VPS13A: variants seen among roughly 807,000 people sequenced by gnomAD.
The protein encoded by VPS13A is intermembrane lipid transfer protein VPS13A.
A neutral mutation model predicts 390.9 loss-of-function variants in VPS13A; 264 were observed. That is an observed-to-expected ratio of 0.68 (90% CI 0.61 to 0.75). VPS13A has a LOEUF of 0.75. Ranked by LOEUF, VPS13A falls within the 30% of genes least tolerant of loss-of-function variation. The pLI, the probability that VPS13A is intolerant of heterozygous loss-of-function variation, is 0.00. For synonymous variants in VPS13A, 1,231 were observed against 1,227.1 expected (o/e 1.00, Z -0.07); for missense variants, 3,409 against 3,733.9 (o/e 0.91, Z 2.27).
At chr9:77,200,806 C>A (rs1401044821) in intron 2 of VPS13A, among the ~76,000 whole-genome samples, 1 of 152,092 alleles carries the variant, frequency 6.6e-6, no homozygotes, top group Non-Finnish European at 1.5e-5. Flanking sequence ...CTTATGTTTT[C>A]TTCTAAGAGT....
At chr9:77,247,644 C>CTGAT (rs887422189) in intron 20 of VPS13A, among the ~76,000 whole-genome samples, 17 of 151,928 alleles carry the variant, frequency 1.1e-4, no homozygotes, top group South Asian at 6.2e-4. Context: ...GCTTGATTGA[C>CTGAT]TGATTGATTG....
rs990291436 is a variant in VPS13A, at chr9:77,419,936, CTT to C, written c.*3934_*3935del. 5.3e-5 allele frequency: 8 copies of C among 152,124 alleles called. No homozygotes were observed. The highest frequency in any genetic ancestry group is 1.2e-4 in the Non-Finnish European group (8 of 68,014). 9.4% of individuals were successfully genotyped at this position (152,124 alleles called of 1,614,324 possible). A position where few individuals can be genotyped will look rare whatever the true frequency, so the allele number is the denominator to read the frequency against. ...GGGGGTGCTATGCAAATATCAATGA[CTT>C]TTTACTAAAAACAGTGGATTTCCTC... is the stretch of plus-strand genomic sequence containing the variant. On this transcript the variant is annotated 3_prime_UTR_variant, in exon 72 of 72. Transcript: ENST00000360280.
At chr9:77,301,920 G>A (rs533813503) in intron 33 of VPS13A, among the ~76,000 whole-genome samples, 2 of 151,420 alleles carry the variant, frequency 1.3e-5, no homozygotes, top group South Asian at 2.1e-4. Context: ...TTATAATGAT[G>A]TCTTATATAA....
chr9:77,229,693 C>T (rs1420862500), intron 17 of VPS13A, among the ~76,000 whole-genome samples: 2 of 152,014 alleles, frequency 1.3e-5, no homozygotes, highest in African/African-American at 4.8e-5. Flanking sequence ...TTAGGTTGTT[C>T]CTTCTTTTTG....
chr9:77,280,152 T>C lies in VPS13A; in HGVS notation c.2825-7T>C, dbSNP rs1325270493. The C allele has an allele frequency of 1.3e-6, 2 of 1,596,372 alleles. No homozygotes were observed. The highest frequency in any genetic ancestry group is 2.2e-5 in the East Asian group (1 of 44,522). Reference sequence around the variant, plus strand: ...TGAAAAGATAATTTTTAAAAAATTATTTTTAGATGAAAACAAGAAACCAGT... The same window carrying C: ...TGAAAAGATAATTTTTAAAAAATTACTTTTAGATGAAAACAAGAAACCAGT... On this transcript the variant is annotated splice_polypyrimidine_tract_variant and splice_region_variant and intron_variant, in intron 26 of 71. Transcript: ENST00000360280.
At chr9:77,370,800 A>G in intron 65 of VPS13A, 90 bp from the exon 66 acceptor site, 2 of 1,545,966 alleles carry the variant, frequency 1.3e-6, no homozygotes. Flanking sequence ...TATAAAAAGC[A>G]GAACTCTGTA....
intron 26 of VPS13A, among the ~76,000 whole-genome samples, chr9:77,277,718 T>A (rs968010157): frequency 6.6e-6 from 1 of 152,210 alleles, no homozygotes; most frequent in African/African-American, 2.4e-5. Flanking sequence ...ATGCTGAAGT[T>A]ACCTCCATGT....
Position 77,337,368 on chromosome 9 carries a change from A to G in VPS13A, c.6209A>G (p.Lys2070Arg). ...CTTCTAAAGAAGAAATGTAGATCTAAAAACCCTTCTAAGGAATCATTTCTC... is the reference window on the plus strand; with the variant it reads ...CTTCTAAAGAAGAAATGTAGATCTAGAAACCCTTCTAAGGAATCATTTCTC... Reference protein sequence around the residue: ...GALLKKKCRSKNPSKESFLIN... With the variant: ...GALLKKKCRSRNPSKESFLIN... The change falls in exon 47 of 72, where the codon AAA (lysine) becomes AGA (arginine). Residue 2070 changes from lysine to arginine, a missense_variant. By Grantham distance (26) the Lys-to-Arg change is conservative. Transcript: ENST00000360280. The G allele has an allele frequency of 6.2e-7, 1 of 1,612,876 alleles. No individual in the cohort carries two copies. Among genetic ancestry groups the G allele is most frequent in the Non-Finnish European group, 8.5e-7 (1 of 1,179,114 alleles).
At position 77,340,704 on chromosome 9, in the gene VPS13A, A is replaced by G. The variant is rs1284251735; in HGVS notation, c.7026+154A>G. On this transcript the variant is annotated intron_variant, in intron 50 of 71. Coordinates refer to ENST00000360280, the MANE Select transcript of VPS13A (RefSeq NM_033305.3). ...TTATTGAATATTTGTGCCCTGCTCT[A>G]GATAGATGGGAAGGTTCAATTTTTA... 9.2e-6 allele frequency: 8 copies of G among 873,276 alleles called. No homozygotes were observed. The East Asian group carries it at 1.6e-4, about 18-fold the overall frequency. The allele number at this position is 873,276 out of a possible 1,614,324, so 54.1% of individuals were successfully genotyped here.
intron 17 of VPS13A, among the ~76,000 whole-genome samples, chr9:77,234,311 G>C (rs1272294942): frequency 6.6e-6 from 1 of 152,132 alleles, no homozygotes; most frequent in Admixed American, 6.6e-5. Flanking sequence ...TGAGTAGCTG[G>C]AATTAAAGGT....
At position 77,276,234 on chromosome 9, in the gene VPS13A, AT is replaced by A. The variant is rs777282899; in HGVS notation, c.2824+19del. The A allele has an allele frequency of 6.4e-7, 1 of 1,566,162 alleles. No individual in the cohort carries two copies. Among genetic ancestry groups the A allele is most frequent in the Non-Finnish European group, 8.6e-7 (1 of 1,157,246 alleles). On this transcript the variant is annotated intron_variant, in intron 26 of 71. Coordinates refer to ENST00000360280, the MANE Select transcript of VPS13A (RefSeq NM_033305.3). ...CCAGAATACTTGGGTAAGAATCTCTATTTTTTAAAATAAATAAATTAATTTC... is the reference window on the plus strand; with the variant it reads ...CCAGAATACTTGGGTAAGAATCTCTATTTTTAAAATAAATAAATTAATTTC...
intron 23 of VPS13A, among the ~76,000 whole-genome samples, chr9:77,263,517 A>G (rs952803905): frequency 5.9e-5 from 9 of 151,850 alleles, no homozygotes; most frequent in Admixed American, 5.2e-4. Context: ...TTTTTTTCAT[A>G]TGTTTGTTGG....
At chr9:77,272,413 C>T (rs970426068) in intron 23 of VPS13A, among the ~76,000 whole-genome samples, 2 of 152,158 alleles carry the variant, frequency 1.3e-5, no homozygotes, top group Non-Finnish European at 2.9e-5. Context: ...AGTAGTGCTA[C>T]AAGCAAAAGC....
intron 22 of VPS13A, among the ~76,000 whole-genome samples, chr9:77,253,683 CTG>C (rs896697495): frequency 8.5e-5 from 13 of 152,092 alleles, no homozygotes; most frequent in South Asian, 2.1e-4. Flanking sequence ...TTTTCTCACT[CTG>C]TGTTTCCTTA....
intron 34 of VPS13A, among the ~76,000 whole-genome samples, chr9:77,303,290 T>C (rs1324752509): frequency 6.6e-6 from 1 of 152,208 alleles, no homozygotes; most frequent in East Asian, 1.9e-4. Flanking sequence ...TGTCTCTGAC[T>C]TCATGGAACT....
At chr9:77,192,115 T>C (rs1824723255) in intron 1 of VPS13A, among the ~76,000 whole-genome samples, 1 of 152,198 alleles carries the variant, frequency 6.6e-6, no homozygotes, top group Non-Finnish European at 1.5e-5. Context: ...CTTTGTCCTT[T>C]TTGATTGTTG....
At position 77,356,752 on chromosome 9, in the gene VPS13A, C is replaced by G; in HGVS notation, c.7691C>G (p.Ala2564Gly). The G allele has an allele frequency of 6.2e-7, 1 of 1,613,344 alleles. No individual in the cohort carries two copies. Among genetic ancestry groups the G allele is most frequent in the Non-Finnish European group, 8.5e-7 (1 of 1,179,668 alleles). Reference sequence around the variant, plus strand: ...TGGGAAACAAAGCCCAAGAAGAAGGCAAGATGGAAGCCAATGAGTGTAAAG... The same window carrying G: ...TGGGAAACAAAGCCCAAGAAGAAGGGAAGATGGAAGCCAATGAGTGTAAAG... ...VVWETKPKKKARWKPMSVKHT... is the reference protein window; with the variant it reads ...VVWETKPKKKGRWKPMSVKHT... The change falls in exon 55 of 72, where the codon GCA (alanine) becomes GGA (glycine). Residue 2564 changes from alanine to glycine, a missense_variant. Ala to Gly is a moderately conservative substitution (Grantham distance 60). Transcript: ENST00000360280.
At chr9:77,400,075 T>C (rs1834304319) in intron 68 of VPS13A, among the ~76,000 whole-genome samples, 1 of 152,306 alleles carries the variant, frequency 6.6e-6, no homozygotes, top group South Asian at 2.1e-4. Flanking sequence ...ACAATATTGC[T>C]GTGAAGATTC....
At chr9:77,200,636 A>T (rs1020098109) in intron 2 of VPS13A, among the ~76,000 whole-genome samples, 2 of 152,090 alleles carry the variant, frequency 1.3e-5, no homozygotes, top group African/African-American at 2.4e-5. Flanking sequence ...AGCTTACTGT[A>T]GGCCTCAGCT....
Sources: gnomAD v4.1 joint callset for allele counts (sites outside exome capture counted in the v4.1 genomes callset) on GRCh38, gnomAD v4.1.1 for gene constraint, MANE v1.5 for transcripts, NCBI Gene and HGNC (gene_info 2026-07-23, HGNC 2026-07-21) for gene names.